COTL1: variants seen among roughly 807,000 people sequenced by gnomAD.
COTL1 encodes coactosin like F-actin binding protein 1, also known as coactosin-like protein.
In COTL1, 15 loss-of-function variants were observed where a neutral mutation model predicts 16.5. The observed-to-expected ratio is 0.91, with a 90% CI of 0.61 to 1.40. The LOEUF is 1.40. Ranked by LOEUF, COTL1 falls within the 40% of genes most tolerant of loss-of-function variation. The pLI, the probability that COTL1 is intolerant of heterozygous loss-of-function variation, is 0.00. For synonymous variants in COTL1, 112 were observed against 85.3 expected (o/e 1.31, Z -1.73); for missense variants, 220 against 201.5 (o/e 1.09, Z -0.56).
At chr16:84,597,203 G>A (rs1905023658) in intron 2 of COTL1, among the ~76,000 whole-genome samples, 1 of 152,168 alleles carries the variant, frequency 6.6e-6, no homozygotes, top group Non-Finnish European at 1.5e-5. Flanking sequence ...TTCTTGAGGA[G>A]AGATGGAAGA....
At chr16:84,569,805 C>T (rs537013867) in intron 3 of COTL1, among the ~76,000 whole-genome samples, 1 of 152,320 alleles carries the variant, frequency 6.6e-6, no homozygotes, top group South Asian at 2.1e-4. Context: ...CAACCCTGAG[C>T]CCCACGGCAT....
intron 3 of COTL1, among the ~76,000 whole-genome samples, chr16:84,577,963 C>T (rs1904490152): frequency 6.6e-6 from 1 of 152,190 alleles, no homozygotes; most frequent in Non-Finnish European, 1.5e-5. Context: ...TTTACAGAAG[C>T]CCCAAACGCA....
intron 3 of COTL1, among the ~76,000 whole-genome samples, chr16:84,578,640 TAC>T (rs142142163): frequency 1.4e-5 from 2 of 146,098 alleles, no homozygotes; most frequent in Non-Finnish European, 3.0e-5. Context: ...CACGCAGGCA[TAC>T]ACACACACAC....
chr16:84,575,795 C>T (rs1236546573), intron 3 of COTL1: 1 of 152,294 alleles, frequency 6.6e-6, no homozygotes, highest in Non-Finnish European at 1.5e-5. Flanking sequence ...GACTCAACCT[C>T]CCTGAGCCTG....
intron 3 of COTL1, chr16:84,569,060 G>A (rs1286500546): frequency 2.0e-5 from 3 of 152,304 alleles, no homozygotes; most frequent in Admixed American, 6.5e-5. Flanking sequence ...GGTGGCTCAC[G>A]CCCGTCATCC....
chr16:84,586,093 C>T (rs1287197252), intron 3 of COTL1, among the ~76,000 whole-genome samples: 2 of 152,220 alleles, frequency 1.3e-5, no homozygotes, highest in Non-Finnish European at 2.9e-5. Flanking sequence ...CCTCTCTCTT[C>T]TGGGATCCTG....
chr16:84,570,578 GTA>G (rs890703023), intron 3 of COTL1, among the ~76,000 whole-genome samples: 12 of 151,168 alleles, frequency 7.9e-5, no homozygotes, highest in African/African-American at 2.9e-4. Context: ...ACAAACAAAA[GTA>G]TATACAAAAG....
chr16:84,600,525 C>T (rs886274014), intron 2 of COTL1, among the ~76,000 whole-genome samples: 7 of 152,290 alleles, frequency 4.6e-5, no homozygotes, highest in Middle Eastern at 3.4e-3. Flanking sequence ...GTTGGCCAGG[C>T]TGATCTCGAA....
At chr16:84,594,825 C>T (rs1250302113) in intron 2 of COTL1, 1 of 152,762 alleles carries the variant, frequency 6.5e-6, no homozygotes, top group East Asian at 1.9e-4. Flanking sequence ...GCCAGCTCTC[C>T]CAGCCTCTCT....
chr16:84,594,092 T>C (rs1200119038), intron 2 of COTL1, among the ~76,000 whole-genome samples: 1 of 149,638 alleles, frequency 6.7e-6, no homozygotes, highest in Non-Finnish European at 1.5e-5. Flanking sequence ...TGCTGCCGCA[T>C]GTGCGGGTCA....
At chr16:84,608,980 C>T (rs573783516) in intron 2 of COTL1, among the ~76,000 whole-genome samples, 3 of 152,296 alleles carry the variant, frequency 2.0e-5, no homozygotes, top group African/African-American at 7.2e-5. Context: ...TTGTCGCATG[C>T]ATTAACGGAC....
chr16:84,601,881 C>T (rs183674082), intron 2 of COTL1, among the ~76,000 whole-genome samples: 1 of 152,172 alleles, frequency 6.6e-6, no homozygotes, highest in African/African-American at 2.4e-5. Flanking sequence ...CCTCTGCTGG[C>T]AAGTTCAAAA....
At chr16:84,568,170 G>C (rs1904306887) in intron 3 of COTL1, 1 of 152,120 alleles carries the variant, frequency 6.6e-6, no homozygotes, top group Non-Finnish European at 1.5e-5. Context: ...GCTATTTTTT[G>C]TATTTTTAGT....
At chr16:84,581,806 C>A (rs1904600871) in intron 3 of COTL1, among the ~76,000 whole-genome samples, 1 of 150,380 alleles carries the variant, frequency 6.6e-6, no homozygotes, top group South Asian at 2.1e-4. Flanking sequence ...CGCTCAGCCT[C>A]CTGCTTTCTA....
At chr16:84,591,392 C>T (rs1904858674) in intron 2 of COTL1, among the ~76,000 whole-genome samples, 1 of 151,658 alleles carries the variant, frequency 6.6e-6, no homozygotes, top group Non-Finnish European at 1.5e-5. Flanking sequence ...ACTGTGTTAG[C>T]CAGGATGAAT....
chr16:84,601,296 TAGC>T (rs1905101947), intron 2 of COTL1, among the ~76,000 whole-genome samples: 1 of 152,142 alleles, frequency 6.6e-6, no homozygotes, highest in Admixed American at 6.5e-5. Flanking sequence ...CAGTCTACCA[TAGC>T]AAACAAAAAT....
At chr16:84,609,520 C>T (rs1293312200) in intron 2 of COTL1, among the ~76,000 whole-genome samples, 1 of 152,238 alleles carries the variant, frequency 6.6e-6, no homozygotes, top group Non-Finnish European at 1.5e-5. Context: ...ACTCTCCTGA[C>T]ATACCTCCTG....
intron 2 of COTL1, among the ~76,000 whole-genome samples, chr16:84,617,091 G>C (rs1481581326): frequency 6.6e-6 from 1 of 152,132 alleles, no homozygotes; most frequent in Non-Finnish European, 1.5e-5. Context: ...GAGAAAGGAG[G>C]GCGCGGCTGA....
chr16:84,605,753 C>A (rs1027383073), intron 2 of COTL1, among the ~76,000 whole-genome samples: 3 of 152,236 alleles, frequency 2.0e-5, no homozygotes, highest in African/African-American at 7.2e-5. Flanking sequence ...CCTGTCCACA[C>A]CTGGATTTTA....
Sources: allele counts gnomAD v4.1 joint callset (sites outside exome capture counted in the v4.1 genomes callset), GRCh38; gene constraint gnomAD v4.1.1; transcripts MANE v1.5; gene names NCBI Gene and HGNC (gene_info 2026-07-23, HGNC 2026-07-21).